PRKG1: variants seen among roughly 807,000 people sequenced by gnomAD.
PRKG1 encodes the protein cGMP-dependent protein kinase 1.
PRKG1 carries 35 observed loss-of-function variants against 88.1 expected under a neutral mutation model. The observed-to-expected ratio is 0.40, with a 90% confidence interval of 0.30 to 0.53. The LOEUF (loss-of-function observed/expected upper bound fraction) is 0.53. PRKG1 is among the 20% of genes least tolerant of loss of function. The pLI, the probability that PRKG1 is intolerant of heterozygous loss-of-function variation, is 0.59. For missense variants in PRKG1, 540 were observed against 839.8 expected (o/e 0.64, Z 4.41); for synonymous variants, 303 against 292.5 (o/e 1.04, Z -0.37).
At chr10:52,005,251 C>CTTTTTTT (rs10595402) in intron 5 of PRKG1, among the ~76,000 whole-genome samples, 1 of 117,774 alleles carries the variant, frequency 8.5e-6, no homozygotes, top group African/African-American at 3.2e-5. Flanking sequence ...TAATGCCCAT[C>CTTTTTTT]TTTTTTTTTT....
chr10:51,541,451 C>T (rs774955830), intron 3 of PRKG1, among the ~76,000 whole-genome samples: 3 of 152,146 alleles, frequency 2.0e-5, no homozygotes, highest in Non-Finnish European at 1.5e-5. Context: ...TCTTGGATCC[C>T]ATGTTCATGG....
intron 1 of PRKG1, among the ~76,000 whole-genome samples, chr10:51,090,462 G>C (rs568215261): frequency 5.9e-5 from 9 of 152,176 alleles, no homozygotes; most frequent in Admixed American, 3.9e-4. Flanking sequence ...ACATAGGCAA[G>C]TGTGAAGTTC....
intron 5 of PRKG1, among the ~76,000 whole-genome samples, chr10:52,028,511 C>G (rs552342025): frequency 3.7e-4 from 56 of 152,250 alleles, no homozygotes; most frequent in African/African-American, 1.3e-3. Context: ...TTCAGTGTAT[C>G]CCCTCAAGCA....
intron 4 of PRKG1, among the ~76,000 whole-genome samples, chr10:51,865,876 TTAAA>T (rs1841001676): frequency 1.3e-5 from 2 of 152,064 alleles, no homozygotes; most frequent in African/African-American, 4.8e-5. Context: ...GCATTATTTT[TTAAA>T]TAAAGGCATT....
chr10:52,104,008 A>AATATAT (rs138580126), intron 7 of PRKG1, among the ~76,000 whole-genome samples: 2 of 145,368 alleles, frequency 1.4e-5, no homozygotes, highest in Admixed American at 6.9e-5. Context: ...GTGTATATAT[A>AATATAT]ATATATATAT....
chr10:51,536,794 TCACCCCTCCCCCCA>T (rs1425651218), intron 3 of PRKG1, among the ~76,000 whole-genome samples: 2 of 145,976 alleles, frequency 1.4e-5, no homozygotes, highest in Non-Finnish European at 3.0e-5. Flanking sequence ...ACGCTATCCC[TCACCCCTCCCCCCA>T]CCCTGCAACA....
chr10:51,625,733 A>T (rs947814207), intron 3 of PRKG1, among the ~76,000 whole-genome samples: 1 of 152,254 alleles, frequency 6.6e-6, no homozygotes, highest in African/African-American at 2.4e-5. Context: ...TAAAAAAAAA[A>T]AAAGAATATA....
intron 10 of PRKG1, among the ~76,000 whole-genome samples, chr10:52,261,443 T>C (rs944582695): frequency 6.6e-6 from 1 of 151,978 alleles, no homozygotes; most frequent in Non-Finnish European, 1.5e-5. Flanking sequence ...CTCCTTTCTT[T>C]TCAAAATGTT....
At chr10:51,434,588 TG>T (rs2132732180) in intron 2 of PRKG1, among the ~76,000 whole-genome samples, 1 of 152,208 alleles carries the variant, frequency 6.6e-6, no homozygotes, top group South Asian at 2.1e-4. Context: ...AGCACTTAGG[TG>T]GAAATATCTC....
chr10:52,006,964 A>G (rs1844752071), intron 5 of PRKG1, among the ~76,000 whole-genome samples: 1 of 152,194 alleles, frequency 6.6e-6, no homozygotes, highest in African/African-American at 2.4e-5. Context: ...CATTGGGGAC[A>G]TGTATTCAGC....
At chr10:51,307,616 A>G (rs566052597) in intron 2 of PRKG1, among the ~76,000 whole-genome samples, 4 of 152,282 alleles carry the variant, frequency 2.6e-5, no homozygotes, top group Admixed American at 6.5e-5. Flanking sequence ...TTATTTAAAT[A>G]TGTAAAGTAG....
intron 2 of PRKG1, among the ~76,000 whole-genome samples, chr10:51,383,596 C>T (rs1442077014): frequency 6.6e-6 from 1 of 152,138 alleles, no homozygotes; most frequent in Admixed American, 6.5e-5. Flanking sequence ...TGCTGGGAAC[C>T]AGGAAGCTCT....
chr10:51,349,415 A>G (rs1328608712), intron 2 of PRKG1, among the ~76,000 whole-genome samples: 1 of 151,922 alleles, frequency 6.6e-6, no homozygotes, highest in Non-Finnish European at 1.5e-5. Context: ...TATTTTGTTC[A>G]GAGAAGATAA....
chr10:52,121,679 C>T (rs1287899877), intron 7 of PRKG1, among the ~76,000 whole-genome samples: 2 of 152,230 alleles, frequency 1.3e-5, no homozygotes, highest in African/African-American at 2.4e-5. Flanking sequence ...GACCTCTACT[C>T]CCGTTTCCAA....
At chr10:51,701,665 AC>A (rs1841470604) in intron 3 of PRKG1, among the ~76,000 whole-genome samples, 1 of 150,090 alleles carries the variant, frequency 6.7e-6, no homozygotes, top group Non-Finnish European at 1.5e-5. Flanking sequence ...GAGAAGGCAT[AC>A]CTTTTTTATA....
At chr10:51,715,849 A>G (rs1313333802) in intron 3 of PRKG1, among the ~76,000 whole-genome samples, 1 of 152,256 alleles carries the variant, frequency 6.6e-6, no homozygotes, top group East Asian at 1.9e-4. Flanking sequence ...GTCCATCAAA[A>G]GTGTTGACAT....
At chr10:52,068,230 TC>T (rs1846407283) in intron 7 of PRKG1, among the ~76,000 whole-genome samples, 1 of 124,484 alleles carries the variant, frequency 8.0e-6, no homozygotes, top group South Asian at 2.5e-4. Flanking sequence ...AAAAAAAAGA[TC>T]CCTACTTGAC....
intron 4 of PRKG1, among the ~76,000 whole-genome samples, chr10:51,818,538 A>T (rs1013622081): frequency 4.6e-5 from 7 of 152,180 alleles, no homozygotes. Context: ...TACTTTAAAT[A>T]GATATTTTTT....
intron 9 of PRKG1, among the ~76,000 whole-genome samples, chr10:52,205,607 T>C (rs762050052): frequency 6.6e-6 from 1 of 152,226 alleles, no homozygotes; most frequent in Non-Finnish European, 1.5e-5. Flanking sequence ...GCAGGTCTGC[T>C]AGTAACAAAT....
Sources: allele counts gnomAD v4.1 joint callset (sites outside exome capture counted in the v4.1 genomes callset), GRCh38; gene constraint gnomAD v4.1.1; transcripts MANE v1.5; gene names NCBI Gene and HGNC (gene_info 2026-07-23, HGNC 2026-07-21).